Variants in FZD5 observed in about 807,000 individuals in gnomAD.
FZD5 encodes the protein frizzled-5.
Under a neutral mutation model 40.8 loss-of-function variants are expected in FZD5, and 12 were observed. The observed-to-expected ratio is 0.29, with a 90% CI of 0.19 to 0.48. The LOEUF (loss-of-function observed/expected upper bound fraction) is 0.48. Among genes scored for constraint, FZD5 ranks in the 20% least tolerant of loss-of-function variants. The pLI is 0.99. For synonymous variants in FZD5, 380 were observed against 383.7 expected, an observed-to-expected ratio of 0.99 and a Z score of 0.11; for missense variants, 622 against 832.8, an observed-to-expected ratio of 0.75 and a Z score of 3.12.
At position 207,763,884 on chromosome 2, in the gene FZD5, G is replaced by C. The variant is rs934543420; in HGVS notation, c.*3098C>G. On this transcript the variant is annotated 3_prime_UTR_variant, in exon 2 of 2. Transcript: ENST00000295417. ...TGCTGTCGGCACGTTATTTAAGCTTGTACATGCCCACAATTACACACAACA... is the reference window on the plus strand; with the variant it reads ...TGCTGTCGGCACGTTATTTAAGCTTCTACATGCCCACAATTACACACAACA... 6.5e-6 allele frequency: 1 copy of C among 152,718 alleles called. No homozygotes were observed. The highest frequency in any genetic ancestry group is 1.5e-5 in the Non-Finnish European group (1 of 68,050). 9.5% of individuals were successfully genotyped at this position (152,718 alleles called of 1,614,324 possible).
rs1248569253 is a variant in FZD5, at chr2:207,769,288, G to GCAGACAGTCCC, written c.-290_-280dup. The GCAGACAGTCCC allele has an allele frequency of 6.5e-6, 1 of 153,096 alleles. No homozygotes were observed. The highest frequency in any genetic ancestry group is 2.4e-5 in the African/African-American group (1 of 41,498). The allele number at this position is 153,096 out of a possible 1,614,324, so 9.5% of individuals were successfully genotyped here. A position where few individuals can be genotyped will look rare whatever the true frequency, so the allele number is the denominator to read the frequency against. ...ACCTCCACGGATCCCGCCGAGAAGA[G>GCAGACAGTCCC]CAGACAGTCCCCAGCCAGCCTGGGT... is the stretch of plus-strand genomic sequence containing the variant. On this transcript the variant is annotated 5_prime_UTR_variant, in exon 1 of 2. Transcript: ENST00000295417.
Position 207,767,134 on chromosome 2 carries a change from G to C in FZD5, c.1606C>G (p.Arg536Gly), listed in dbSNP as rs1260064026. The C allele has an allele frequency of 1.9e-6, 3 of 1,566,904 alleles. No homozygotes were observed. Among genetic ancestry groups the C allele is most frequent in the African/African-American group, 1.4e-5 (1 of 73,532 alleles). ...CCGCGCCGCGGGCGGCAGCAGCAGC[G>C]GCTGGTGAAACGCCGCCACGACTCC... is the stretch of plus-strand genomic sequence containing the variant. The part of the protein sequence containing the change: ...TVESWRRFTS[R>G]CCCRPRRGHK... The change falls in exon 2 of 2, where the codon CGC (arginine) becomes GGC (glycine). Residue 536 changes from arginine (R) to glycine (G), a missense_variant. Arg to Gly is a moderately radical substitution (Grantham distance 125). Coordinates refer to ENST00000295417, the MANE Select transcript of FZD5 (RefSeq NM_003468.4).
chr2:207,764,201 A>G lies in FZD5; in HGVS notation c.*2781T>C, dbSNP rs2091968068. 6.6e-6 allele frequency: 1 copy of G among 152,398 alleles called. No individual in the cohort carries two copies. Among genetic ancestry groups the G allele is most frequent in the African/African-American group, 2.4e-5 (1 of 41,464 alleles). The allele number at this position is 152,398 out of a possible 1,614,324, so 9.4% of individuals were successfully genotyped here. On this transcript the variant is annotated 3_prime_UTR_variant, in exon 2 of 2. Transcript: ENST00000295417. ...GAAAGGGACAGCCCTGAAGCTGTAC[A>G]CATAAGAGACTCCAATGGGCCCTAA...
chr2:207,765,904 G>C lies in FZD5; in HGVS notation c.*1078C>G, dbSNP rs944576532. Reference sequence around the variant, plus strand: ...CTGTTTAACATGATAAAGGGGGAGGGGGGAGGGGGGAGGGGGTGGAGCAAA... The same window carrying C: ...CTGTTTAACATGATAAAGGGGGAGGCGGGAGGGGGGAGGGGGTGGAGCAAA... On this transcript the variant is annotated 3_prime_UTR_variant, in exon 2 of 2. Coordinates refer to ENST00000295417, the MANE Select transcript of FZD5 (RefSeq NM_003468.4). 6.6e-6 allele frequency: 1 copy of C among 151,640 alleles called. No homozygotes were observed. The highest frequency in any genetic ancestry group is 2.4e-5 in the African/African-American group (1 of 41,250). The allele number at this position is 151,640 out of a possible 1,614,324, so 9.4% of individuals were successfully genotyped here.
In FZD5 at chr2:207,767,064, G is replaced by T; in HGVS notation, c.1676C>A (p.Ala559Glu). The T allele has an allele frequency of 6.5e-7, 1 of 1,536,864 alleles. No homozygotes were observed. ...GGTCCTGCCTGTGAGCGCGGCGCTCGCCTCGGGGTAGTCCCCTGCGGCCAT... is the reference window on the plus strand; with the variant it reads ...GGTCCTGCCTGTGAGCGCGGCGCTCTCCTCGGGGTAGTCCCCTGCGGCCAT... ...GAMAAGDYPE[A>E]SAALTGRTGP... Residue 559 changes from alanine (A) to glutamate (E), a missense_variant, in exon 2 of 2, where the codon GCG (alanine) becomes GAG (glutamate). By Grantham distance (107) the Ala-to-Glu change is moderately radical (BLOSUM62 -1). Transcript: ENST00000295417.
rs1011212577 is a variant in FZD5 at position 207,764,028 on chromosome 2, G to A, written c.*2954C>T. ...AGTCAATTTTACCATTTCAAAATGT[G>A]AGAAGGAAAATCATAGAAATTAAAA... On this transcript the variant is annotated 3_prime_UTR_variant, in exon 2 of 2. Coordinates refer to ENST00000295417, the MANE Select transcript of FZD5 (RefSeq NM_003468.4). 2 of 152,612 alleles carry A rather than the reference G, an allele frequency of 1.3e-5. No homozygotes were observed. Among genetic ancestry groups the A allele is most frequent in the African/African-American group, 4.8e-5 (2 of 41,450 alleles). The allele number at this position is 152,612 out of a possible 1,614,324, so 9.5% of individuals were successfully genotyped here.
Position 207,767,379 on chromosome 2 carries a change from G to A in FZD5, c.1361C>T (p.Thr454Met). ...GCTGGCGGGGACCGTGTAGAGCAGC[G>A]TGAAGATGCCGATGCGGATCATGAG... ...EKLMIRIGIF[T>M]LLYTVPASIV... is the part of the protein sequence containing the mutation. Residue 454 changes from threonine (T) to methionine (M), a missense_variant, in exon 2 of 2, where the codon ACG becomes ATG. Around this residue, in one of 4 missense-constraint regions of FZD5, gnomAD observed 208 missense variants for 348.9 expected, o/e 0.60. Transcript: ENST00000295417. The A allele has an allele frequency of 6.2e-7, 1 of 1,612,692 alleles. No homozygotes were observed. Among genetic ancestry groups the A allele is most frequent in the Non-Finnish European group, 8.5e-7 (1 of 1,179,966 alleles).
Position 207,765,866 on chromosome 2 carries a change from A to G in FZD5, c.*1116T>C, listed in dbSNP as rs912299821. On this transcript the variant is annotated 3_prime_UTR_variant, in exon 2 of 2. Coordinates refer to ENST00000295417, the MANE Select transcript of FZD5 (RefSeq NM_003468.4). Reference sequence around the variant, plus strand: ...AGCTCTCCAGGAGAGGAGGAATAAGAAAAGCAAAAAGGCTGTTTAACATGA... The same window carrying G: ...AGCTCTCCAGGAGAGGAGGAATAAGGAAAGCAAAAAGGCTGTTTAACATGA... 5 of 152,182 alleles carry G rather than the reference A, an allele frequency of 3.3e-5. No individual in the cohort carries two copies. The highest frequency in any genetic ancestry group is 1.2e-4 in the African/African-American group (5 of 41,334). The allele number at this position is 152,182 out of a possible 1,614,324, so 9.4% of individuals were successfully genotyped here.
In FZD5 at chr2:207,768,840, C is replaced by T; in HGVS notation, c.-101G>A. ...CCCTCCGGCGTCTCGTGTGTGGCGC[C>T]GGGGCTGGCAACCTGTTGGTTGCTT... On this transcript the variant is annotated 5_prime_UTR_variant, in exon 2 of 2. Coordinates refer to ENST00000295417, the MANE Select transcript of FZD5 (RefSeq NM_003468.4). The T allele has an allele frequency of 2.1e-6, 2 of 969,220 alleles. No individual in the cohort carries two copies. The highest frequency in any genetic ancestry group is 3.0e-6 in the Non-Finnish European group (2 of 665,064). 60.0% of individuals were successfully genotyped at this position (969,220 alleles called of 1,614,324 possible). A position where few individuals can be genotyped will look rare whatever the true frequency, so the allele number is the denominator to read the frequency against.
At position 207,768,515 on chromosome 2, in the gene FZD5, C is replaced by T. The variant is rs1187895406; in HGVS notation, c.225G>A (p.Glu75=). 6.2e-7 allele frequency: 1 copy of T among 1,613,886 alleles called. No individual in the cohort carries two copies. The highest frequency in any genetic ancestry group is 8.5e-7 in the Non-Finnish European group (1 of 1,179,894). ...LEVHQFWPLV[E]IQCSPDLRFF... ...AGCGCAGGTCCGGCGAGCATTGGAT[C>T]TCCACCAGCGGCCAGAACTGGTGCA... The change falls in exon 2 of 2, where the codon GAG becomes GAA. Residue 75 remains glutamate, a synonymous_variant. Coordinates refer to ENST00000295417, the MANE Select transcript of FZD5 (RefSeq NM_003468.4).
Position 207,763,888 on chromosome 2 carries a change from A to G in FZD5, c.*3094T>C, listed in dbSNP as rs552472638. 7.2e-5 allele frequency: 11 copies of G among 152,800 alleles called. No homozygotes were observed. The highest frequency in any genetic ancestry group is 2.4e-4 in the African/African-American group (10 of 41,578). The allele number at this position is 152,800 out of a possible 1,614,324, so 9.5% of individuals were successfully genotyped here. On this transcript the variant is annotated 3_prime_UTR_variant, in exon 2 of 2. Coordinates refer to ENST00000295417, the MANE Select transcript of FZD5 (RefSeq NM_003468.4). ...GTCGGCACGTTATTTAAGCTTGTAC[A>G]TGCCCACAATTACACACAACACACA...
At position 207,768,275 on chromosome 2, in the gene FZD5, G is replaced by T; in HGVS notation, c.465C>A (p.Ala155=). 1.9e-6 allele frequency: 3 copies of T among 1,543,498 alleles called. No individual in the cohort carries two copies. Among genetic ancestry groups the T allele is most frequent in the Non-Finnish European group, 2.6e-6 (3 of 1,149,738 alleles). The change falls in exon 2 of 2, where the codon GCC becomes GCA. Residue 155 remains alanine, a synonymous_variant. Coordinates refer to ENST00000295417, the MANE Select transcript of FZD5 (RefSeq NM_003468.4). ...GGAAAGGCCTGGGGGGCGCCGTGGTGGCCTCGCTGCGGTTGTAATCCATGC... is the reference window on the plus strand; with the variant it reads ...GGAAAGGCCTGGGGGGCGCCGTGGTTGCCTCGCTGCGGTTGTAATCCATGC... ...VLCMDYNRSE[A]TTAPPRPFPA...
In FZD5 at chr2:207,768,915, G is replaced by T. The variant is rs2091996791; in HGVS notation, c.-176C>A. ...AGATAAACTGCTTCGGGAAGGCGCT[G>T]CCTCCGCTGGCAGCGCTCCGCTCCT... On this transcript the variant is annotated 5_prime_UTR_variant, in exon 2 of 2. Transcript: ENST00000295417. 1 of 607,722 alleles carries T rather than the reference G, an allele frequency of 1.6e-6. No homozygotes were observed. Among genetic ancestry groups the T allele is most frequent in the Non-Finnish European group, 2.9e-6 (1 of 339,704 alleles). The allele number at this position is 607,722 out of a possible 1,614,324, so 37.6% of individuals were successfully genotyped here.
Position 207,768,730 on chromosome 2 carries a change from GC to G in FZD5, c.9del (p.Pro4LeufsTer14). The G allele has an allele frequency of 6.4e-7, 1 of 1,571,296 alleles. No individual in the cohort carries two copies. Among genetic ancestry groups the G allele is most frequent in the Non-Finnish European group, 8.6e-7 (1 of 1,159,204 alleles). MA[R>X]PDPSAPPSLL... ...AGCGAGGGCGGCGCGGATGGGTCAG[GC>G]CGAGCCATCGCCCCCTCCCTCCCCT... On this transcript the variant is annotated frameshift_variant, in exon 2 of 2. Coordinates refer to ENST00000295417, the MANE Select transcript of FZD5 (RefSeq NM_003468.4). LOFTEE classifies it high-confidence loss of function.
In FZD5 at chr2:207,767,203, C is replaced by T; in HGVS notation, c.1537G>A (p.Val513Met). 3 of 1,606,906 alleles carry T rather than the reference C, an allele frequency of 1.9e-6. No homozygotes were observed. The highest frequency in any genetic ancestry group is 1.7e-6 in the Non-Finnish European group (2 of 1,177,188). ...ATCCAGACGCCCGACGTGATGCCCA[C>T]CACCAGGCACATGAAGTACTTGAGC... ...LMLKYFMCLVVGITSGVWIWS... is the reference protein window; with the variant it reads ...LMLKYFMCLVMGITSGVWIWS... The change falls in exon 2 of 2, where the codon GTG becomes ATG. Residue 513 changes from valine (V) to methionine (M), a missense_variant. Physicochemically the swap from Val to Met is conservative, Grantham distance 21 (BLOSUM62 1). This residue lies in a region of FZD5 where 154 missense variants were observed against 152.1 expected (regional missense o/e 1.01). Coordinates refer to ENST00000295417, the MANE Select transcript of FZD5 (RefSeq NM_003468.4).
rs923439639 is a variant in FZD5 at position 207,769,333 on chromosome 2, C to T, written c.-324G>A. 2.0e-5 allele frequency: 3 copies of T among 152,622 alleles called. No homozygotes were observed. Among genetic ancestry groups the T allele is most frequent in the Non-Finnish European group, 2.9e-5 (2 of 68,320 alleles). The allele number at this position is 152,622 out of a possible 1,614,324, so 9.5% of individuals were successfully genotyped here. On this transcript the variant is annotated 5_prime_UTR_variant, in exon 1 of 2. Coordinates refer to ENST00000295417, the MANE Select transcript of FZD5 (RefSeq NM_003468.4). ...CTGGGTCCTCCGTCCCTGGGTCACT[C>T]CGCTGAGAAGCGCGACTCAGAGCCG...
Position 207,769,865 on chromosome 2 carries a change from G to T in FZD5, c.-856C>A, listed in dbSNP as rs1214131405. On this transcript the variant is annotated 5_prime_UTR_variant, in exon 1 of 2. Coordinates refer to ENST00000295417, the MANE Select transcript of FZD5 (RefSeq NM_003468.4). Reference sequence around the variant, plus strand: ...TGGCGAGCACGGAACCGCGCGCGGCGGCGACCACAGCGGACTCACGGCCGC... The same window carrying T: ...TGGCGAGCACGGAACCGCGCGCGGCTGCGACCACAGCGGACTCACGGCCGC... Among the ~76,000 whole-genome samples the T allele has an allele frequency of 2.6e-5, 4 of 152,030 alleles. No homozygotes were observed. Among genetic ancestry groups the T allele is most frequent in the African/African-American group, 9.7e-5 (4 of 41,434 alleles).
In FZD5 at chr2:207,769,067, G is replaced by C. The variant is rs141803186; in HGVS notation, c.-255-73C>G. The C allele has an allele frequency of 1.6e-4, 57 of 362,822 alleles. 1 individual carries two copies. The East Asian group carries it at 3.0e-3, about 19-fold the overall frequency. 22.5% of individuals were successfully genotyped at this position (362,822 alleles called of 1,614,324 possible). On this transcript the variant is annotated intron_variant, in intron 1 of 1. Coordinates refer to ENST00000295417, the MANE Select transcript of FZD5 (RefSeq NM_003468.4). Reference sequence around the variant, plus strand: ...GAGAGGCGTCAACAGTTCGGTCCCCGCGAGCTGTCTCCAAATCTCTTAAGT... The same window carrying C: ...GAGAGGCGTCAACAGTTCGGTCCCCCCGAGCTGTCTCCAAATCTCTTAAGT...
Position 207,767,823 on chromosome 2 carries a change from T to C in FZD5, c.917A>G (p.His306Arg). 1.2e-6 allele frequency: 2 copies of C among 1,608,430 alleles called. No individual in the cohort carries two copies. Among genetic ancestry groups the C allele is most frequent in the Non-Finnish European group, 1.7e-6 (2 of 1,177,464 alleles). ...VACSREHNHI[H>R]YETTGPALCT... ...CAGTGCAGGGCCCGTGGTCTCGTAG[T>C]GGATGTGGTTGTGCTCGCGGCTGCA... Residue 306 changes from histidine to arginine, a missense_variant, in exon 2 of 2, where the codon CAC becomes CGC. By Grantham distance (29) the His-to-Arg change is conservative. This residue lies in a region of FZD5 where 208 missense variants were observed against 348.9 expected (regional missense o/e 0.60). Coordinates refer to ENST00000295417, the MANE Select transcript of FZD5 (RefSeq NM_003468.4).
Sources: gnomAD v4.1 joint callset for allele counts (sites outside exome capture counted in the v4.1 genomes callset) on GRCh38, gnomAD v4.1.1 for gene constraint, gnomAD v4.1.1 regional missense constraint, MANE v1.5 for transcripts, NCBI Gene and HGNC (gene_info 2026-07-23, HGNC 2026-07-21) for gene names.